The following MVP variants were observed in gnomAD, a reference collection of about 807,000 sequenced individuals.
The protein encoded by MVP is lung resistance-related protein.
A neutral mutation model predicts 83.5 loss-of-function variants in MVP; 62 were observed. That is an observed-to-expected ratio of 0.74 (90% CI 0.61 to 0.92). The LOEUF (loss-of-function observed/expected upper bound fraction) is 0.92, where lower values mean the gene tolerates loss of function less well. MVP is among the 40% of genes least tolerant of loss of function. MVP has a pLI of 0.00. For missense variants in MVP, 1,000 were observed against 1,203.4 expected (o/e 0.83, Z 2.50); for synonymous variants, 505 against 504.1 (o/e 1.00, Z -0.02).
intron 1 of MVP, among the ~76,000 whole-genome samples, chr16:29,822,160 CA>C (rs2067367452): frequency 1.3e-5 from 2 of 148,894 alleles, no homozygotes; most frequent in Admixed American, 6.7e-5. Context: ...TGATGAAGAT[CA>C]GGGGTGCTGA....
At position 29,843,215 on chromosome 16, in the gene MVP, G is replaced by A. The variant is rs567433355; in HGVS notation, c.1634+1103G>A. On this transcript the variant is annotated intron_variant, in intron 10 of 14. Coordinates refer to ENST00000357402, the MANE Select transcript of MVP (RefSeq NM_005115.5). Reference sequence around the variant, plus strand: ...TGTACAGAAACAGTGTTCATGACTGGGTACTGTGGCTCACACCTGTGATCC... The same window carrying A: ...TGTACAGAAACAGTGTTCATGACTGAGTACTGTGGCTCACACCTGTGATCC... Among the ~76,000 whole-genome samples the A allele has an allele frequency of 8.9e-4, 136 of 152,178 alleles. 1 individual carries two copies. Among genetic ancestry groups the A allele is most frequent in the African/African-American group, 3.1e-3 (130 of 41,512 alleles).
intron 1 of MVP, among the ~76,000 whole-genome samples, chr16:29,825,574 T>A (rs959991632): frequency 1.3e-5 from 2 of 151,868 alleles, no homozygotes; most frequent in Non-Finnish European, 2.9e-5. Context: ...GCATGGCAGG[T>A]GGGTGGTCAG....
At chr16:29,831,242 C>T (rs1166352237) in intron 3 of MVP, among the ~76,000 whole-genome samples, 169 bp downstream of exon 3, 1 of 152,108 alleles carries the variant, frequency 6.6e-6, no homozygotes, top group Non-Finnish European at 1.5e-5. Flanking sequence ...CTGGAAGCTC[C>T]ACCTGGGTTC....
chr16:29,829,454 C>CAAAAA (rs34314929), intron 1 of MVP, among the ~76,000 whole-genome samples: 3 of 52,636 alleles, frequency 5.7e-5, no homozygotes, highest in Non-Finnish European at 7.6e-5. Flanking sequence ...GACTCCGTCT[C>CAAAAA]AAAAAAAAAA....
chr16:29,831,181 A>G, intron 3 of MVP, 108 bp downstream of exon 3: 1 of 1,107,156 alleles, frequency 9.0e-7, no homozygotes, highest in Non-Finnish European at 1.2e-6. Context: ...TTTGAGGCAG[A>G]GTTTCACTCT....
rs2067539338 is a variant in MVP, at chr16:29,841,967, G to A, written c.1489G>A (p.Val497Met). 6.2e-7 allele frequency: 1 copy of A among 1,612,910 alleles called. No homozygotes were observed. The highest frequency in any genetic ancestry group is 8.5e-7 in the Non-Finnish European group (1 of 1,180,042). The change falls in exon 10 of 15, where the codon GTG becomes ATG. Residue 497 changes from valine to methionine, a missense_variant. Physicochemically the swap from Val to Met is conservative, Grantham distance 21 (BLOSUM62 1). Transcript: ENST00000357402. The surrounding 1 kb of genome is among the most constrained non-coding windows in gnomAD (Gnocchi z 4.7). The stretch of plus-strand genomic sequence containing the variant: ...GCTGGGTCCTGAGGAGCAGTTCACA[G>A]TGTTGTCCCTCTCAGCTGGGCGGCC... ...VSLGPEEQFT[V>M]LSLSAGRPKR...
chr16:29,840,791 A>G lies in MVP; in HGVS notation c.1191+332A>G, dbSNP rs572325385. ...CCCTGTCTCTACTAAAAGTACAAAC[A>G]TTAGTCAGGCGTGGTGGTGGTCTGA... On this transcript the variant is annotated intron_variant, in intron 8 of 14. Coordinates refer to ENST00000357402, the MANE Select transcript of MVP (RefSeq NM_005115.5). Among the ~76,000 whole-genome samples the G allele has an allele frequency of 1.2e-4, 18 of 152,160 alleles. No homozygotes were observed. In the South Asian group the frequency reaches 3.5e-3, roughly 30 times the overall value.
At chr16:29,822,091 T>TTG (rs1555503740) in intron 1 of MVP, among the ~76,000 whole-genome samples, 2 of 151,492 alleles carry the variant, frequency 1.3e-5, no homozygotes, top group Admixed American at 6.6e-5. Context: ...GGTTTTGTTT[T>TTG]TTTTTTTTTT....
chr16:29,825,072 C>A (rs958165008), intron 1 of MVP, among the ~76,000 whole-genome samples: 1 of 152,120 alleles, frequency 6.6e-6, no homozygotes, highest in Non-Finnish European at 1.5e-5. Flanking sequence ...AGACAATGAA[C>A]CTGGTTTCTG....
intron 6 of MVP, 141 bp from the exon 7 acceptor site, chr16:29,836,577 TAAAA>T (rs35835626): frequency 1.0e-5 from 6 of 578,952 alleles, no homozygotes; most frequent in African/African-American, 2.0e-5. Context: ...GACTCCGATT[TAAAA>T]AAAAAAAAAA....
chr16:29,843,758 G>C (rs1390242810), intron 10 of MVP, among the ~76,000 whole-genome samples: 1 of 152,058 alleles, frequency 6.6e-6, no homozygotes, highest in Non-Finnish European at 1.5e-5. Context: ...CTGGTTGTGG[G>C]CACCTGTAGT....
chr16:29,835,674 C>T lies in MVP; in HGVS notation c.578-30C>T, dbSNP rs770706480. ...TAGGTGGGGAGCAGGCTGGGGGGCCCTTGTCCCTTACCCTCCACTCTTGGC... is the reference window on the plus strand; with the variant it reads ...TAGGTGGGGAGCAGGCTGGGGGGCCTTTGTCCCTTACCCTCCACTCTTGGC... On this transcript the variant is annotated intron_variant, in intron 5 of 14. Transcript: ENST00000357402. 31 of 1,602,168 alleles carry T rather than the reference C, an allele frequency of 1.9e-5. 2 individuals carry two copies. The South Asian group carries it at 2.9e-4, about 15-fold the overall frequency.
At chr16:29,829,415 A>G (rs913711819) in intron 1 of MVP, among the ~76,000 whole-genome samples, 1 of 141,238 alleles carries the variant, frequency 7.1e-6, no homozygotes, top group African/African-American at 2.7e-5. Flanking sequence ...TGATTGCACC[A>G]CTGCACTCCA....
intron 1 of MVP, among the ~76,000 whole-genome samples, chr16:29,827,245 A>G (rs2067410778): frequency 1.3e-5 from 2 of 152,324 alleles, no homozygotes; most frequent in Middle Eastern, 3.4e-3. Flanking sequence ...TCAAGGTCAG[A>G]TCTCATACAA....
At chr16:29,834,867 G>GTTT (rs1295076514) in intron 5 of MVP, 2 of 94,282 alleles carry the variant, frequency 2.1e-5, no homozygotes, top group African/African-American at 4.7e-5. Context: ...TTTTTTTTTT[G>GTTT]TATTTTTTTT....
chr16:29,845,911 G>A lies in MVP; in HGVS notation c.2070G>A (p.Arg690=), dbSNP rs763173823. 6.2e-7 allele frequency: 1 copy of A among 1,614,192 alleles called. No individual in the cohort carries two copies. The highest frequency in any genetic ancestry group is 8.5e-7 in the Non-Finnish European group (1 of 1,180,024). The part of the protein sequence containing the change: ...LEQEARGRLE[R]QKILDQSEAE... ...AGGAAGCCCGCGGCCGGCTTGAGCG[G>A]CAGAAGATCCTGGACCAGTCAGAAG... The change falls in exon 12 of 15, where the codon CGG becomes CGA. Residue 690 remains arginine, a synonymous_variant. Transcript: ENST00000357402.
intron 1 of MVP, among the ~76,000 whole-genome samples, chr16:29,823,940 A>C (rs2067384601): frequency 6.6e-6 from 1 of 151,840 alleles, no homozygotes; most frequent in African/African-American, 2.4e-5. Flanking sequence ...GGTGGCTTTA[A>C]AAAAAGGTCT....
In MVP at chr16:29,840,410, C is replaced by A; in HGVS notation, c.1142C>A (p.Pro381His). 1.3e-6 allele frequency: 2 copies of A among 1,587,498 alleles called. No individual in the cohort carries two copies. The highest frequency in any genetic ancestry group is 1.7e-6 in the Non-Finnish European group (2 of 1,167,712). The change falls in exon 8 of 15, where the codon CCT (proline) becomes CAT (histidine). Residue 381 changes from proline (P) to histidine (H), a missense_variant. Coordinates refer to ENST00000357402, the MANE Select transcript of MVP (RefSeq NM_005115.5). ...GTGGTGGAGGAGCGCCAGGCCATCC[C>A]TCTAGACGAGAACGAGGGCATCTAT... ...VEVVEERQAI[P>H]LDENEGIYVQ...
At chr16:29,824,900 C>CTTT (rs753917886) in intron 1 of MVP, among the ~76,000 whole-genome samples, 9 of 144,942 alleles carry the variant, frequency 6.2e-5, no homozygotes, top group African/African-American at 1.0e-4. Context: ...CGGTCTCCCT[C>CTTT]TTTTTTTTTT....
Sources: gnomAD v4.1 joint callset for allele counts (sites outside exome capture counted in the v4.1 genomes callset) on GRCh38, gnomAD v4.1.1 for gene constraint, Gnocchi (gnomAD v3.1) non-coding constraint, MANE v1.5 for transcripts, NCBI Gene and HGNC (gene_info 2026-07-23, HGNC 2026-07-21) for gene names.